Variants in CSMD1 observed in about 807,000 individuals in gnomAD.
CSMD1 encodes CUB and Sushi multiple domains 1.
Under a neutral mutation model 417.5 loss-of-function variants are expected in CSMD1, and 213 were observed. That is an observed-to-expected ratio of 0.51 (90% confidence interval 0.46 to 0.57). The LOEUF (loss-of-function observed/expected upper bound fraction) is 0.57, where lower values mean the gene tolerates loss of function less well. Among genes scored for constraint, CSMD1 ranks in the 20% least tolerant of loss-of-function variants. The pLI is 0.00. For synonymous variants in CSMD1, 2,862 were observed against 1,736.8 expected, an observed-to-expected ratio of 1.65 and a Z score of -16.11; for missense variants, 6,923 against 4,529.7, an observed-to-expected ratio of 1.53 and a Z score of -15.17.
At chr8:3,766,334 T>G (rs1798264798) in intron 5 of CSMD1, among the ~76,000 whole-genome samples, 1 of 152,186 alleles carries the variant, frequency 6.6e-6, no homozygotes, top group South Asian at 2.1e-4. Context: ...AAAATCTTGG[T>G]TGCAACAAGC....
At position 4,146,274 on chromosome 8, in the gene CSMD1, C is replaced by T. The variant is rs189077161; in HGVS notation, c.416-114175G>A. 9.3e-4 allele frequency among the ~76,000 whole-genome samples: 141 copies of T among 151,046 alleles called. 6 individuals carry two copies. The highest frequency in any genetic ancestry group is 3.0e-3 in the African/African-American group (121 of 40,426). On this transcript the variant is annotated intron_variant, in intron 3 of 69. Transcript: ENST00000635120. ...CTCATCCACTCGAGGCAGTAATTCGCGTAGTGCAGTCGGCACAGTGCCATA... is the reference window on the plus strand; with the variant it reads ...CTCATCCACTCGAGGCAGTAATTCGTGTAGTGCAGTCGGCACAGTGCCATA...
intron 3 of CSMD1, among the ~76,000 whole-genome samples, chr8:4,358,632 C>T (rs1801573265): frequency 6.6e-6 from 1 of 152,130 alleles, no homozygotes; most frequent in Admixed American, 6.6e-5. Context: ...CTATATCATG[C>T]AATAATTTAT....
At chr8:4,106,831 C>T (rs951266593) in intron 3 of CSMD1, among the ~76,000 whole-genome samples, 1 of 152,126 alleles carries the variant, frequency 6.6e-6, no homozygotes, top group East Asian at 1.9e-4. Flanking sequence ...CACACACTAT[C>T]CGAAGTCAGA....
chr8:3,231,869 T>A (rs1025089832), intron 26 of CSMD1, among the ~76,000 whole-genome samples: 2 of 152,190 alleles, frequency 1.3e-5, no homozygotes, highest in Non-Finnish European at 2.9e-5. Flanking sequence ...AATATCTAAG[T>A]CATTAAGTCT....
intron 47 of CSMD1, among the ~76,000 whole-genome samples, chr8:3,094,759 G>GT (rs1199507449): frequency 7.8e-6 from 1 of 127,854 alleles, no homozygotes; most frequent in Non-Finnish European, 1.6e-5. Flanking sequence ...TATTCAACAT[G>GT]TTTTTTGGTC....
intron 10 of CSMD1, among the ~76,000 whole-genome samples, chr8:3,515,529 T>G (rs1361157721): frequency 6.6e-6 from 1 of 152,338 alleles, no homozygotes; most frequent in Admixed American, 6.5e-5. Flanking sequence ...TGGCAACTGT[T>G]CAGGAGAATG....
At chr8:4,588,779 GACAC>G (rs10576784) in intron 2 of CSMD1, among the ~76,000 whole-genome samples, 16 of 146,456 alleles carry the variant, frequency 1.1e-4, no homozygotes, top group Non-Finnish European at 1.5e-4. Context: ...GCAAGACTCC[GACAC>G]ACACACACAC....
intron 16 of CSMD1, among the ~76,000 whole-genome samples, chr8:3,397,660 G>C (rs752490229): frequency 1.3e-5 from 2 of 152,172 alleles, no homozygotes; most frequent in Non-Finnish European, 1.5e-5. Context: ...CAAGAAGTCT[G>C]GCTAAGCGTG....
intron 3 of CSMD1, among the ~76,000 whole-genome samples, chr8:4,358,174 C>A (rs898796558): frequency 3.9e-5 from 6 of 152,104 alleles, no homozygotes; most frequent in Non-Finnish European, 7.4e-5. Flanking sequence ...TGATGACGTT[C>A]ACTTTATTCA....
chr8:3,909,167 G>C (rs893240841), intron 5 of CSMD1, among the ~76,000 whole-genome samples: 2 of 152,152 alleles, frequency 1.3e-5, no homozygotes, highest in Admixed American at 6.5e-5. Flanking sequence ...TTGGAGACTG[G>C]GTCAGGCTGT....
intron 5 of CSMD1, among the ~76,000 whole-genome samples, chr8:3,950,922 CATA>C (rs1482362306): frequency 1.3e-5 from 2 of 151,954 alleles, no homozygotes; most frequent in Non-Finnish European, 2.9e-5. Context: ...AACCAATATT[CATA>C]ATAAGCCCTG....
At position 3,924,088 on chromosome 8, in the gene CSMD1, T is replaced by C. The variant is rs952614746; in HGVS notation, c.818+73815A>G. 2.6e-5 allele frequency among the ~76,000 whole-genome samples: 4 copies of C among 152,228 alleles called. No homozygotes were observed. The East Asian group carries it at 5.8e-4, about 22-fold the overall frequency. On this transcript the variant is annotated intron_variant, in intron 5 of 69. Coordinates refer to ENST00000635120, the MANE Select transcript of CSMD1 (RefSeq NM_033225.6). ...TCTTGCAGGGTATATCTGGTGGTGA[T>C]GAAATTTCTCAGCTCTTGTTGATGC...
chr8:3,808,838 C>T (rs1800899846), intron 5 of CSMD1, among the ~76,000 whole-genome samples: 1 of 152,142 alleles, frequency 6.6e-6, no homozygotes, highest in Non-Finnish European at 1.5e-5. Context: ...TATTTATTTC[C>T]AAAGGAAAGC....
rs369142119 is a variant in CSMD1, at chr8:4,211,162, G to C, written c.416-179063C>G. On this transcript the variant is annotated intron_variant, in intron 3 of 69. Transcript: ENST00000635120. ...TCTAATCACTAAATAATTTATCCAG[G>C]AAAAACATCCTTGTACATGTATTTC... Among the ~76,000 whole-genome samples, 28 of 150,944 alleles carry C rather than the reference G, an allele frequency of 1.9e-4. No individual in the cohort carries two copies. In the East Asian group the frequency reaches 2.9e-3, roughly 16 times the overall value.
intron 3 of CSMD1, among the ~76,000 whole-genome samples, chr8:4,247,744 C>G (rs368238179): frequency 6.6e-6 from 1 of 152,112 alleles, no homozygotes; most frequent in Non-Finnish European, 1.5e-5. Flanking sequence ...GTATCATCAA[C>G]TGCTGATTTG....
intron 1 of CSMD1, among the ~76,000 whole-genome samples, chr8:4,734,104 A>T (rs1283299105): frequency 1.3e-5 from 2 of 152,182 alleles, no homozygotes; most frequent in Non-Finnish European, 2.9e-5. Context: ...AAACATCAAA[A>T]GAGTTTATTT....
intron 3 of CSMD1, among the ~76,000 whole-genome samples, chr8:4,268,212 G>A (rs1804341912): frequency 6.6e-6 from 1 of 152,098 alleles, no homozygotes; most frequent in Non-Finnish European, 1.5e-5. Context: ...TTATCATCCT[G>A]TTTAAAGAAA....
chr8:4,565,336 G>A (rs1184641414), intron 2 of CSMD1, among the ~76,000 whole-genome samples: 2 of 152,168 alleles, frequency 1.3e-5, no homozygotes, highest in South Asian at 2.1e-4. Flanking sequence ...TAACCAGTCT[G>A]CCTAAAAATG....
intron 2 of CSMD1, among the ~76,000 whole-genome samples, chr8:4,490,725 G>A (rs545573321): frequency 1.3e-5 from 2 of 152,262 alleles, no homozygotes; most frequent in South Asian, 4.1e-4. Context: ...AGACAACAGA[G>A]GCCAGAAGCC....
Sources: gnomAD v4.1 joint callset for allele counts (sites outside exome capture counted in the v4.1 genomes callset) on GRCh38, gnomAD v4.1.1 for gene constraint, MANE v1.5 for transcripts, NCBI Gene and HGNC (gene_info 2026-07-23, HGNC 2026-07-21) for gene names.